Variants in GRID2 observed in about 807,000 individuals in gnomAD.
GRID2 encodes the protein glutamate ionotropic receptor delta type subunit 2.
A neutral mutation model predicts 114.8 loss-of-function variants in GRID2; 33 were observed. That is an observed-to-expected ratio of 0.29 (90% CI 0.22 to 0.38). The LOEUF is 0.38. Among genes scored for constraint, GRID2 ranks in the 10% least tolerant of loss-of-function variants. GRID2 has a pLI of 1.00. For synonymous variants in GRID2, 505 were observed against 449.9 expected (o/e 1.12, Z -1.55); for missense variants, 1,184 against 1,257.7 (o/e 0.94, Z 0.89).
chr4:93,593,189 G>T (rs1215168393), intron 13 of GRID2, among the ~76,000 whole-genome samples: 1 of 148,582 alleles, frequency 6.7e-6, no homozygotes, highest in East Asian at 1.9e-4. Flanking sequence ...GCAGCAGCTG[G>T]TACCGGTTGT....
chr4:92,466,734 G>C (rs1053957895), intron 1 of GRID2, among the ~76,000 whole-genome samples: 5 of 151,198 alleles, frequency 3.3e-5, no homozygotes, highest in African/African-American at 1.2e-4. Flanking sequence ...ATTACTTTTA[G>C]AGTGGATTGG....
intron 1 of GRID2, among the ~76,000 whole-genome samples, chr4:92,510,040 T>G (rs1439242355): frequency 6.6e-6 from 1 of 151,900 alleles, no homozygotes; most frequent in Non-Finnish European, 1.5e-5. Context: ...GATACTGCGT[T>G]AATAAGAGAC....
chr4:92,393,740 G>C (rs922846748), intron 1 of GRID2, among the ~76,000 whole-genome samples: 1 of 152,102 alleles, frequency 6.6e-6, no homozygotes, highest in Non-Finnish European at 1.5e-5. Flanking sequence ...TCCAGTCAAA[G>C]GGGGTAAAAT....
chr4:92,390,346 T>G (rs1471623356), intron 1 of GRID2, among the ~76,000 whole-genome samples: 1 of 152,146 alleles, frequency 6.6e-6, no homozygotes, highest in Non-Finnish European at 1.5e-5. Context: ...AAGTGTCAGA[T>G]CTAACTTTTA....
intron 13 of GRID2, among the ~76,000 whole-genome samples, chr4:93,528,849 T>C (rs911945427): frequency 6.6e-6 from 1 of 152,164 alleles, no homozygotes; most frequent in Admixed American, 6.6e-5. Context: ...TCTGGGAATG[T>C]TTATCTCTGC....
intron 8 of GRID2, among the ~76,000 whole-genome samples, chr4:93,331,176 C>T (rs956758541): frequency 7.2e-6 from 1 of 139,182 alleles, no homozygotes; most frequent in Non-Finnish European, 1.5e-5. Flanking sequence ...TCCTCTGCTT[C>T]CCCCTTTTCC....
chr4:93,310,585 G>T (rs889477916), intron 8 of GRID2, among the ~76,000 whole-genome samples: 2 of 152,132 alleles, frequency 1.3e-5, no homozygotes, highest in Admixed American at 6.5e-5. Context: ...GCAGGTTTGT[G>T]TGGAAAATCC....
intron 10 of GRID2, among the ~76,000 whole-genome samples, chr4:93,431,714 A>G (rs1305419747): frequency 3.9e-5 from 6 of 152,160 alleles, no homozygotes; most frequent in Non-Finnish European, 5.9e-5. Flanking sequence ...TGGAAGGGTC[A>G]TTGGTTTTGG....
intron 2 of GRID2, among the ~76,000 whole-genome samples, chr4:92,685,149 T>C (rs960660749): frequency 1.1e-4 from 16 of 152,156 alleles, no homozygotes; most frequent in Non-Finnish European, 1.5e-5. Context: ...AATTTAATTT[T>C]TCAAATCTAA....
At chr4:93,116,930 C>T (rs773252352) in intron 4 of GRID2, among the ~76,000 whole-genome samples, 27 of 151,954 alleles carry the variant, frequency 1.8e-4, no homozygotes, top group Non-Finnish European at 3.7e-4. Flanking sequence ...CTGTATTTCC[C>T]CTAGGAGCAG....
rs909207866 is a variant in GRID2, at chr4:92,938,350, A to G, written c.245-146645A>G. On this transcript the variant is annotated intron_variant, in intron 2 of 15. Transcript: ENST00000282020. ...CCCATCTTTCTGGTTTTGTTTCACA[A>G]GAATTTCAAAAAAACTATTATAAAC... is the stretch of plus-strand genomic sequence containing the variant. 1.5e-4 allele frequency among the ~76,000 whole-genome samples: 22 copies of G among 146,818 alleles called. 1 individual carries two copies. Among genetic ancestry groups the G allele is most frequent in the African/African-American group, 5.3e-4 (22 of 41,300 alleles).
intron 5 of GRID2, among the ~76,000 whole-genome samples, chr4:93,211,496 G>A (rs573709466): frequency 1.3e-5 from 2 of 152,098 alleles, no homozygotes; most frequent in South Asian, 2.1e-4. Context: ...TATAAACAAA[G>A]CAATCTCACT....
chr4:92,934,695 G>A (rs1229893880), intron 2 of GRID2, among the ~76,000 whole-genome samples: 1 of 146,320 alleles, frequency 6.8e-6, no homozygotes, highest in African/African-American at 2.4e-5. Flanking sequence ...CAGAGATATA[G>A]ATCAACAGAA....
intron 1 of GRID2, among the ~76,000 whole-genome samples, chr4:92,315,687 C>T (rs967261073): frequency 1.3e-5 from 2 of 151,980 alleles, no homozygotes; most frequent in Non-Finnish European, 2.9e-5. Flanking sequence ...GAACTTAGTC[C>T]TGGCCATGCA....
In GRID2 at chr4:92,586,279, G is replaced by T. The variant is rs1294301710; in HGVS notation, c.89-3852G>T. ...AACTTATAAATATTTTATTTAAAAG[G>T]CATATTTGTGAATGTATTTTTGGGT... is the stretch of plus-strand genomic sequence containing the variant. On this transcript the variant is annotated intron_variant, in intron 1 of 15. Coordinates refer to ENST00000282020, the MANE Select transcript of GRID2 (RefSeq NM_001510.4). 3.3e-5 allele frequency among the ~76,000 whole-genome samples: 5 copies of T among 150,904 alleles called. No homozygotes were observed. The South Asian group carries it at 8.4e-4, about 25-fold the overall frequency.
At chr4:93,403,698 A>G (rs1469305648) in intron 9 of GRID2, among the ~76,000 whole-genome samples, 2 of 152,138 alleles carry the variant, frequency 1.3e-5, no homozygotes, top group Non-Finnish European at 2.9e-5. Context: ...GCCCACTAGG[A>G]TGGCTATATT....
At chr4:92,949,712 T>C (rs1335026575) in intron 2 of GRID2, among the ~76,000 whole-genome samples, 1 of 151,766 alleles carries the variant, frequency 6.6e-6, no homozygotes. Context: ...TATCTCAGTG[T>C]AGGAAGGTGT....
chr4:92,476,533 T>C (rs975403873), intron 1 of GRID2, among the ~76,000 whole-genome samples: 3 of 152,216 alleles, frequency 2.0e-5, no homozygotes, highest in African/African-American at 4.8e-5. Flanking sequence ...AAAGATGTTA[T>C]ATGATTAGAT....
At chr4:92,822,765 G>A (rs918348161) in intron 2 of GRID2, 7 of 159,350 alleles carry the variant, frequency 4.4e-5, no homozygotes, top group Non-Finnish European at 8.2e-5. Flanking sequence ...GGCATGCTGT[G>A]GGATGCCATA....
Sources: allele counts gnomAD v4.1 joint callset (sites outside exome capture counted in the v4.1 genomes callset), GRCh38; gene constraint gnomAD v4.1.1; transcripts MANE v1.5; gene names NCBI Gene and HGNC (gene_info 2026-07-23, HGNC 2026-07-21).